Variants in ROBO2 observed in about 807,000 individuals in gnomAD.
The protein encoded by ROBO2 is roundabout homolog 2.
A neutral mutation model predicts 160.8 loss-of-function variants in ROBO2; 53 were observed. The ratio of observed to expected loss-of-function variants is 0.33; its 90% CI spans 0.26 to 0.41. The LOEUF (loss-of-function observed/expected upper bound fraction) is 0.41. Among genes scored for constraint, ROBO2 ranks in the 10% least tolerant of loss-of-function variants. The pLI, the probability that ROBO2 is intolerant of heterozygous loss-of-function variation, is 1.00. For missense variants in ROBO2, 1,577 were observed against 1,722.4 expected, an observed-to-expected ratio of 0.92 and a Z score of 1.49; for synonymous variants, 664 against 611.7, an observed-to-expected ratio of 1.09 and a Z score of -1.26.
chr3:76,747,995 T>A (rs2093920887), intron 2 of ROBO2, among the ~76,000 whole-genome samples: 2 of 151,998 alleles, frequency 1.3e-5, no homozygotes, highest in Non-Finnish European at 1.5e-5. Flanking sequence ...GGAAACTCCA[T>A]ATCATATGAT....
At chr3:76,454,654 G>A (rs1191219912) in intron 2 of ROBO2, among the ~76,000 whole-genome samples, 1 of 152,068 alleles carries the variant, frequency 6.6e-6, no homozygotes, top group Non-Finnish European at 1.5e-5. Flanking sequence ...TTCTGTGTGA[G>A]GAATTAATTA....
chr3:76,071,673 GA>G, intron 2 of ROBO2, among the ~76,000 whole-genome samples: 1 of 152,142 alleles, frequency 6.6e-6, no homozygotes, highest in South Asian at 2.1e-4. Flanking sequence ...TCAGGTCATA[GA>G]AAAATTAAGG....
At chr3:77,593,867 A>G (rs2094238226) in intron 17 of ROBO2, among the ~76,000 whole-genome samples, 1 of 152,096 alleles carries the variant, frequency 6.6e-6, no homozygotes, top group South Asian at 2.1e-4. Context: ...AACTAATTAA[A>G]TTTCATTTAT....
intron 2 of ROBO2, among the ~76,000 whole-genome samples, chr3:76,140,636 T>G (rs1477795106): frequency 6.6e-6 from 1 of 151,860 alleles, no homozygotes; most frequent in Non-Finnish European, 1.5e-5. Flanking sequence ...GTGTTCCCTG[T>G]GAAATAGGAT....
At chr3:77,396,367 A>G (rs2075287151) in intron 2 of ROBO2, among the ~76,000 whole-genome samples, 2 of 152,114 alleles carry the variant, frequency 1.3e-5, no homozygotes, top group Non-Finnish European at 2.9e-5. Context: ...TCTCTTTGAA[A>G]TAATCAAATT....
In ROBO2 at chr3:76,897,707, C is replaced by G. The variant is rs1005032816; in HGVS notation, c.110-200307C>G. 1.1e-3 allele frequency among the ~76,000 whole-genome samples: 150 copies of G among 136,844 alleles called. 1 individual carries two copies. Among genetic ancestry groups the G allele is most frequent in the African/African-American group, 4.1e-3 (143 of 35,188 alleles). The allele number at this position is 136,844 out of a possible 152,430, so 89.8% of individuals were successfully genotyped here. On this transcript the variant is annotated intron_variant, in intron 2 of 26. Coordinates refer to the ROBO2 transcript ENST00000487694. The stretch of plus-strand genomic sequence containing the variant: ...TGAAATTTATCCAGGATAGAGTGGC[C>G]CTCACTTTTTTTTTTTTTGAAATTT...
At chr3:75,965,466 C>T (rs9873826) in intron 2 of ROBO2, among the ~76,000 whole-genome samples, 5 of 3,768 alleles carry the variant, frequency 1.3e-3, no homozygotes, top group Admixed American at 0.04. Flanking sequence ...GTGATGTACA[C>T]GTGCGCAGGG....
chr3:76,313,963 A>C (rs1293199861), intron 2 of ROBO2, among the ~76,000 whole-genome samples: 1 of 152,146 alleles, frequency 6.6e-6, no homozygotes, highest in Admixed American at 6.5e-5. Flanking sequence ...GAGTGATACG[A>C]GCAGCACGTA....
At chr3:76,795,564 G>T (rs1361585331) in intron 2 of ROBO2, among the ~76,000 whole-genome samples, 1 of 152,104 alleles carries the variant, frequency 6.6e-6, no homozygotes, top group Non-Finnish European at 1.5e-5. Flanking sequence ...TATGTAATGA[G>T]ATTGCAGCAA....
chr3:76,460,971 G>A (rs368630313), intron 2 of ROBO2, among the ~76,000 whole-genome samples: 2 of 152,096 alleles, frequency 1.3e-5, no homozygotes, highest in East Asian at 1.9e-4. Flanking sequence ...GCCATGCATC[G>A]ATAAAATCTT....
chr3:76,454,121 ATTCAC>A (rs1480239456), intron 2 of ROBO2, among the ~76,000 whole-genome samples: 1 of 152,128 alleles, frequency 6.6e-6, no homozygotes, highest in African/African-American at 2.4e-5. Context: ...CCATTCATTC[ATTCAC>A]TTAAGAAACC....
intron 2 of ROBO2, among the ~76,000 whole-genome samples, chr3:77,275,808 A>G (rs1347244623): frequency 6.6e-6 from 1 of 152,180 alleles, no homozygotes; most frequent in Non-Finnish European, 1.5e-5. Flanking sequence ...TACCAAATAT[A>G]TCCTAAAAAT....
chr3:76,719,394 GTCACAA>G (rs1210021983), intron 2 of ROBO2, among the ~76,000 whole-genome samples: 1 of 152,098 alleles, frequency 6.6e-6, no homozygotes, highest in Admixed American at 6.5e-5. Context: ...GTGTGCAGTT[GTCACAA>G]TCACAGCTCA....
intron 2 of ROBO2, among the ~76,000 whole-genome samples, chr3:77,367,304 T>C (rs562715264): frequency 5.9e-5 from 9 of 152,274 alleles, no homozygotes; most frequent in Admixed American, 5.9e-4. Context: ...TAAGTATCCT[T>C]TTTCTAAGGA....
chr3:76,581,999 T>G (rs2085732542), intron 2 of ROBO2, among the ~76,000 whole-genome samples: 1 of 152,142 alleles, frequency 6.6e-6, no homozygotes, highest in African/African-American at 2.4e-5. Flanking sequence ...TGAGTCATTC[T>G]GAAGAAGACA....
intron 2 of ROBO2, among the ~76,000 whole-genome samples, chr3:76,978,140 C>T (rs529577556): frequency 7.9e-5 from 12 of 152,198 alleles, no homozygotes; most frequent in African/African-American, 2.6e-4. Context: ...ATTAAGGACA[C>T]TTAGTAAAGC....
chr3:76,080,824 T>C (rs1295840449), intron 2 of ROBO2, among the ~76,000 whole-genome samples: 1 of 152,220 alleles, frequency 6.6e-6, no homozygotes, highest in Non-Finnish European at 1.5e-5. Context: ...TAGATCATCT[T>C]TTTCTTTGCG....
chr3:75,934,646 T>C (rs1668345026), intron 1 of ROBO2, among the ~76,000 whole-genome samples: 1 of 152,202 alleles, frequency 6.6e-6, no homozygotes, highest in African/African-American at 2.4e-5. Flanking sequence ...TTATGAAATA[T>C]TAGTTTTCCA....
At chr3:77,620,858 C>G (rs2094885614) in intron 22 of ROBO2, among the ~76,000 whole-genome samples, 1 of 152,092 alleles carries the variant, frequency 6.6e-6, no homozygotes, top group South Asian at 2.1e-4. Context: ...ATGCATAGTA[C>G]TTTTTAAGAT....
Sources: allele counts gnomAD v4.1 joint callset (sites outside exome capture counted in the v4.1 genomes callset), GRCh38; gene constraint gnomAD v4.1.1; transcripts MANE v1.5; gene names NCBI Gene and HGNC (gene_info 2026-07-23, HGNC 2026-07-21).